The following KCNB2 variants were observed in gnomAD, a reference collection of about 807,000 sequenced individuals.
The protein encoded by KCNB2 is potassium voltage-gated channel subfamily B member 2.
A neutral mutation model predicts 61.5 loss-of-function variants in KCNB2; 15 were observed. The observed-to-expected ratio is 0.24, with a 90% CI of 0.16 to 0.38. KCNB2 has a LOEUF of 0.38. Ranked by LOEUF, KCNB2 falls within the 10% of genes least tolerant of loss-of-function variation. The pLI is 1.00. For missense variants in KCNB2, 828 were observed against 1,125.2 expected (o/e 0.74, Z 3.78); for synonymous variants, 457 against 446.0 (o/e 1.02, Z -0.31).
At chr8:72,633,689 G>T (rs1408371382) in intron 2 of KCNB2, among the ~76,000 whole-genome samples, 3 of 152,162 alleles carry the variant, frequency 2.0e-5, no homozygotes, top group Non-Finnish European at 4.4e-5. Context: ...TCTTTCTATT[G>T]CAGAGTTGGC....
intron 2 of KCNB2, among the ~76,000 whole-genome samples, chr8:72,774,752 T>C (rs1051731306): frequency 1.3e-5 from 2 of 152,100 alleles, no homozygotes; most frequent in South Asian, 2.1e-4. Context: ...TAAATTTATA[T>C]TACCCTGAGT....
intron 2 of KCNB2, among the ~76,000 whole-genome samples, chr8:72,619,837 A>T (rs967290365): frequency 6.6e-6 from 1 of 152,204 alleles, no homozygotes; most frequent in Admixed American, 6.5e-5. Context: ...CATTTGGTTG[A>T]TATGATTTAT....
chr8:72,653,641 A>G (rs1250114993), intron 2 of KCNB2, among the ~76,000 whole-genome samples: 3 of 152,100 alleles, frequency 2.0e-5, no homozygotes, highest in South Asian at 2.1e-4. Flanking sequence ...GCTTGTTTCT[A>G]TGAAGTTTGA....
intron 2 of KCNB2, among the ~76,000 whole-genome samples, chr8:72,921,381 G>T (rs1806517782): frequency 1.3e-5 from 2 of 152,194 alleles, no homozygotes; most frequent in Non-Finnish European, 2.9e-5. Context: ...GTTCTGATGA[G>T]CCACACATAG....
At chr8:72,588,426 A>G (rs115468333) in intron 2 of KCNB2, among the ~76,000 whole-genome samples, 3,172 of 152,012 alleles carry the variant, frequency 0.021, 111 homozygotes, top group African/African-American at 0.07. Flanking sequence ...CATGTTGGTC[A>G]GGCTGACCTC....
chr8:72,912,446 A>G (rs1401050852), intron 2 of KCNB2, among the ~76,000 whole-genome samples: 1 of 150,472 alleles, frequency 6.6e-6, no homozygotes, highest in Non-Finnish European at 1.5e-5. Flanking sequence ...CAGTAACCTT[A>G]GTGCCTCAGT....
chr8:72,862,786 G>A (rs908179801), intron 2 of KCNB2, among the ~76,000 whole-genome samples: 3 of 152,194 alleles, frequency 2.0e-5, no homozygotes, highest in South Asian at 4.1e-4. Context: ...TTCTCAATCC[G>A]AAGGCTGTCT....
At chr8:72,808,245 A>C (rs1030095661) in intron 2 of KCNB2, among the ~76,000 whole-genome samples, 2 of 152,224 alleles carry the variant, frequency 1.3e-5, no homozygotes, top group Non-Finnish European at 2.9e-5. Context: ...ATCACTGATA[A>C]ATTTTAAAAT....
chr8:72,662,699 C>A (rs1474572321), intron 2 of KCNB2, among the ~76,000 whole-genome samples: 2 of 152,154 alleles, frequency 1.3e-5, no homozygotes, highest in East Asian at 3.9e-4. Context: ...TCACAGAAAA[C>A]TGTGCTCTCG....
chr8:72,756,054 A>ATCAG (rs1443994142), intron 2 of KCNB2, among the ~76,000 whole-genome samples: 2 of 152,138 alleles, frequency 1.3e-5, no homozygotes, highest in African/African-American at 4.8e-5. Context: ...TCACAAGTGG[A>ATCAG]TCAGTCGAGA....
chr8:72,885,588 G>A (rs1476970687), intron 2 of KCNB2, among the ~76,000 whole-genome samples: 1 of 152,062 alleles, frequency 6.6e-6, no homozygotes, highest in Non-Finnish European at 1.5e-5. Flanking sequence ...TGGCAGAAGG[G>A]TATGCATCAA....
intron 2 of KCNB2, among the ~76,000 whole-genome samples, chr8:72,854,126 A>G (rs16938443): frequency 0.22 from 33,345 of 152,162 alleles, 4,053 homozygotes; most frequent in Non-Finnish European, 0.28. Context: ...CTTTTTATTT[A>G]GAGCATCTAA....
intron 2 of KCNB2, among the ~76,000 whole-genome samples, chr8:72,883,576 T>G (rs1182816367): frequency 6.6e-6 from 1 of 152,242 alleles, no homozygotes; most frequent in African/African-American, 2.4e-5. Context: ...GCTAACACTT[T>G]GCCATATGGC....
At chr8:72,746,695 C>T (rs374207474) in intron 2 of KCNB2, among the ~76,000 whole-genome samples, 23 of 152,222 alleles carry the variant, frequency 1.5e-4, no homozygotes, top group African/African-American at 4.6e-4. Context: ...GCTCTTTGAA[C>T]GGCTGCAATA....
chr8:72,694,052 G>C (rs943262798), intron 2 of KCNB2, among the ~76,000 whole-genome samples: 1 of 152,098 alleles, frequency 6.6e-6, no homozygotes, highest in Non-Finnish European at 1.5e-5. Flanking sequence ...TATCAAATTT[G>C]AGCATTTTAA....
intron 2 of KCNB2, among the ~76,000 whole-genome samples, chr8:72,811,484 A>C (rs1350493706): frequency 6.6e-6 from 1 of 152,154 alleles, no homozygotes; most frequent in Non-Finnish European, 1.5e-5. Flanking sequence ...ATCTTTGAGA[A>C]TACTATCCTA....
rs1359920613 is a variant in KCNB2 at position 72,722,156 on chromosome 8, A to G, written c.579+153843A>G. On this transcript the variant is annotated intron_variant, in intron 2 of 2. Transcript: ENST00000523207. The stretch of plus-strand genomic sequence containing the variant: ...ATCTGACCACACTTTCTCTACCACC[A>G]TCATCTGTGCAGGCTATCCTGGTGG... 7.2e-5 allele frequency among the ~76,000 whole-genome samples: 11 copies of G among 152,026 alleles called. No homozygotes were observed. In the South Asian group the frequency reaches 1.9e-3, roughly 26 times the overall value.
intron 2 of KCNB2, among the ~76,000 whole-genome samples, chr8:72,624,696 C>T (rs560182469): frequency 2.4e-4 from 37 of 152,186 alleles, no homozygotes; most frequent in South Asian, 6.2e-4. Flanking sequence ...ATTGATATGG[C>T]GGTCCCCATG....
rs139892126 is a variant in KCNB2, at chr8:72,550,354, G to A, written c.-94+12469G>A. 8.2e-3 allele frequency among the ~76,000 whole-genome samples: 1,242 copies of A among 152,258 alleles called. 15 individuals carry two copies. The highest frequency in any genetic ancestry group is 0.028 in the African/African-American group (1,147 of 41,536). On this transcript the variant is annotated intron_variant, in intron 1 of 2. Transcript: ENST00000523207. ...GCTAATATTTATTAAACACTTTTCA[G>A]GTGTAAAGTACTCTGCTAGGTCATG...
Sources: gnomAD v4.1 joint callset for allele counts (sites outside exome capture counted in the v4.1 genomes callset) on GRCh38, gnomAD v4.1.1 for gene constraint, MANE v1.5 for transcripts, NCBI Gene and HGNC (gene_info 2026-07-23, HGNC 2026-07-21) for gene names.